Variants in MYBL1 observed in about 807,000 individuals in gnomAD.
MYBL1 encodes the protein myb-related protein A.
In MYBL1, 17 loss-of-function variants were observed where a neutral mutation model predicts 96.3. That is an observed-to-expected ratio of 0.18 (90% CI 0.12 to 0.26). The LOEUF is 0.26. MYBL1 is among the 10% of genes least tolerant of loss of function. MYBL1 has a pLI of 1.00. For missense variants in MYBL1, 701 were observed against 882.9 expected (o/e 0.79, Z 2.61); for synonymous variants, 282 against 292.7 (o/e 0.96, Z 0.37).
intron 6 of MYBL1, among the ~76,000 whole-genome samples, chr8:66,594,111 G>A (rs1809759986): frequency 6.6e-6 from 1 of 151,736 alleles, no homozygotes; most frequent in South Asian, 2.1e-4. Flanking sequence ...ATTCCAGCCT[G>A]GTAACAGAAA....
intron 8 of MYBL1, among the ~76,000 whole-genome samples, chr8:66,580,855 CTTCT>C (rs1563535657): frequency 6.9e-6 from 1 of 145,538 alleles, no homozygotes; most frequent in Admixed American, 8.3e-5. Context: ...CAGGGAAGCT[CTTCT>C]TTTTTTTTTT....
intron 12 of MYBL1, among the ~76,000 whole-genome samples, chr8:66,568,004 G>C (rs1284801278): frequency 6.9e-6 from 1 of 145,374 alleles, no homozygotes; most frequent in African/African-American, 2.6e-5. Flanking sequence ...CCGAAATCAC[G>C]CCACTGGACT....
At chr8:66,590,691 AT>A (rs775449868) in intron 8 of MYBL1, among the ~76,000 whole-genome samples, 8 of 152,182 alleles carry the variant, frequency 5.3e-5, no homozygotes, top group Admixed American at 6.6e-5. Flanking sequence ...TCAAAAAAAA[AT>A]AATACTAATA....
chr8:66,572,554 T>A lies in MYBL1; in HGVS notation c.1656A>T (p.Thr552=). Residue 552 remains threonine, a synonymous_variant, in exon 12 of 16, where the codon ACA becomes ACT. Coordinates refer to ENST00000522677, the MANE Select transcript of MYBL1 (RefSeq NM_001080416.4). ...TCTTAAAAGGAGTAGGAGTTCTTGG[T>A]GTGGTACCCAGTATAGATCTTCTAA... The part of the protein sequence containing the change: ...PTIRRSILGT[T]PRTPTPFKNA... 6.2e-7 allele frequency: 1 copy of A among 1,603,544 alleles called. No individual in the cohort carries two copies. The highest frequency in any genetic ancestry group is 8.5e-7 in the Non-Finnish European group (1 of 1,172,864).
intron 10 of MYBL1, 59 bp downstream of exon 10, chr8:66,575,948 G>T: frequency 2.6e-6 from 4 of 1,520,986 alleles, no homozygotes; most frequent in South Asian, 1.3e-5. Flanking sequence ...GGATGTTAAA[G>T]ATCTAATTTA....
Position 66,576,083 on chromosome 8 carries a change from T to A in MYBL1, c.1394A>T (p.Asp465Val). Reference protein sequence around the residue: ...VGHSPGSELRDGSLNDGGNMA... With the variant: ...VGHSPGSELRVGSLNDGGNMA... ...ATTACCACCATCGTTCAATGAGCCA[T>A]CCCTAAGTTCGCTGCCTGGGGAATG... is the stretch of plus-strand genomic sequence containing the variant. Residue 465 changes from aspartate to valine, a missense_variant, in exon 10 of 16, where the codon GAT becomes GTT. Physicochemically the swap from Asp to Val is radical, Grantham distance 152. Transcript: ENST00000522677. 1.9e-6 allele frequency: 3 copies of A among 1,613,994 alleles called. No individual in the cohort carries two copies. Among genetic ancestry groups the A allele is most frequent in the Non-Finnish European group, 2.5e-6 (3 of 1,179,878 alleles).
Position 66,580,296 on chromosome 8 carries a change from C to T in MYBL1, c.938G>A (p.Ser313Asn), listed in dbSNP as rs1453730091. The change falls in exon 9 of 16, where the codon AGC becomes AAC. Residue 313 changes from serine to asparagine, a missense_variant. Ser to Asn is a conservative substitution (Grantham distance 46). Transcript: ENST00000522677. The part of the protein sequence containing the change: ...MDDNMSNTLN[S>N]LDEHTSEFYS... ...AAACTCACTAGTGTGCTCGTCAAGG[C>T]TATTTAGAGTATTAGACATGTTATC... is the stretch of plus-strand genomic sequence containing the variant. 4 of 1,613,798 alleles carry T rather than the reference C, an allele frequency of 2.5e-6. No homozygotes were observed. The highest frequency in any genetic ancestry group is 2.2e-5 in the South Asian group (2 of 91,050).
chr8:66,599,732 G>GGAGGTTGCGGTGAGCC (rs1480766993), intron 3 of MYBL1, among the ~76,000 whole-genome samples: 3 of 152,004 alleles, frequency 2.0e-5, no homozygotes, highest in African/African-American at 7.3e-5. Flanking sequence ...CCCAGGAGGT[G>GGAGGTTGCGGTGAGCC]GAGGTTGCGG....
rs757101278 is a variant in MYBL1 at position 66,580,291 on chromosome 8, C to T, written c.943G>A (p.Asp315Asn). Residue 315 changes from aspartate to asparagine, a missense_variant, in exon 9 of 16, where the codon GAC (aspartate) becomes AAC (asparagine). By Grantham distance (23) the Asp-to-Asn change is conservative (BLOSUM62 1). Around this residue, in one of 5 missense-constraint regions of MYBL1, gnomAD observed 396 missense variants for 407.4 expected, o/e 0.97. Transcript: ENST00000522677. ...DNMSNTLNSL[D>N]EHTSEFYSMD... is the part of the protein sequence containing the mutation. The stretch of plus-strand genomic sequence containing the variant: ...CTGTAAAACTCACTAGTGTGCTCGT[C>T]AAGGCTATTTAGAGTATTAGACATG... The T allele has an allele frequency of 6.2e-7, 1 of 1,613,770 alleles. No individual in the cohort carries two copies. Among genetic ancestry groups the T allele is most frequent in the Non-Finnish European group, 8.5e-7 (1 of 1,179,802 alleles).
chr8:66,575,899 T>C (rs1211567063), intron 10 of MYBL1, 108 bp downstream of exon 10: 13 of 1,153,074 alleles, frequency 1.1e-5, no homozygotes, highest in African/African-American at 6.3e-5. Context: ...TTTAAACACA[T>C]TATTTTTATA....
At chr8:66,594,898 T>G (rs1809790755) in intron 6 of MYBL1, among the ~76,000 whole-genome samples, 2 of 152,192 alleles carry the variant, frequency 1.3e-5, no homozygotes, top group African/African-American at 2.4e-5. Flanking sequence ...GACTTAATCT[T>G]TACAATTTAT....
intron 1 of MYBL1, among the ~76,000 whole-genome samples, chr8:66,607,565 C>A (rs1407943202): frequency 6.6e-6 from 1 of 152,054 alleles, no homozygotes; most frequent in East Asian, 1.9e-4. Flanking sequence ...CCTTTCCAAC[C>A]CAACCAAAAC....
intron 10 of MYBL1, among the ~76,000 whole-genome samples, chr8:66,575,273 G>C (rs779966312): frequency 1.8e-4 from 28 of 152,120 alleles, no homozygotes; most frequent in Non-Finnish European, 3.4e-4. Flanking sequence ...AAAAACCTCA[G>C]TGGGCAAACT....
At chr8:66,611,489 A>AT (rs1049069740) in intron 1 of MYBL1, among the ~76,000 whole-genome samples, 6 of 152,144 alleles carry the variant, frequency 3.9e-5, no homozygotes, top group Non-Finnish European at 7.4e-5. Context: ...GTCTGGAGAC[A>AT]TTTTTACTGT....
Position 66,613,100 on chromosome 8 carries a change from C to T in MYBL1, c.-262G>A, listed in dbSNP as rs993793224. On this transcript the variant is annotated 5_prime_UTR_variant, in exon 1 of 16. Coordinates refer to ENST00000522677, the MANE Select transcript of MYBL1 (RefSeq NM_001080416.4). The stretch of plus-strand genomic sequence containing the variant: ...GGGATACCCCCAACATGTCAGGAGG[C>T]GCGATCCCGCCCTCCGCCGGCTTCT... 9.9e-6 allele frequency: 4 copies of T among 404,866 alleles called. No homozygotes were observed. Among genetic ancestry groups the T allele is most frequent in the Non-Finnish European group, 1.7e-5 (4 of 229,494 alleles). 25.1% of individuals were successfully genotyped at this position (404,866 alleles called of 1,614,324 possible). A position where few individuals can be genotyped will look rare whatever the true frequency, so the allele number is the denominator to read the frequency against.
intron 10 of MYBL1, among the ~76,000 whole-genome samples, chr8:66,575,391 A>G (rs1808895172): frequency 6.6e-6 from 1 of 152,212 alleles, no homozygotes; most frequent in Non-Finnish European, 1.5e-5. Flanking sequence ...TGCATTAGAT[A>G]ACTTTGGGCA....
Position 66,603,295 on chromosome 8 carries a change from G to A in MYBL1, c.21-772C>T, listed in dbSNP as rs533606402. ...ATTAGTAATCTTCACAACAACCCAA[G>A]CAAGAAATTATTGGGGCCTGACAAA... On this transcript the variant is annotated intron_variant, in intron 1 of 15. Coordinates refer to ENST00000522677, the MANE Select transcript of MYBL1 (RefSeq NM_001080416.4). Among the ~76,000 whole-genome samples the A allele has an allele frequency of 2.2e-4, 33 of 152,168 alleles. No individual in the cohort carries two copies. The South Asian group carries it at 6.8e-3, about 32-fold the overall frequency.
At chr8:66,573,321 T>C in intron 11 of MYBL1, 43 bp downstream of exon 11, 1 of 1,539,950 alleles carries the variant, frequency 6.5e-7, no homozygotes, top group Non-Finnish European at 8.8e-7. Context: ...TTTAACACTG[T>C]GCTCCCCATT....
chr8:66,599,749 G>A (rs905775854), intron 3 of MYBL1, among the ~76,000 whole-genome samples: 1 of 151,712 alleles, frequency 6.6e-6, no homozygotes, highest in African/African-American at 2.4e-5. Context: ...GCGGTGAGCC[G>A]AGATTGCACC....
Sources: gnomAD v4.1 joint callset for allele counts (sites outside exome capture counted in the v4.1 genomes callset) on GRCh38, gnomAD v4.1.1 for gene constraint, gnomAD v4.1.1 regional missense constraint, MANE v1.5 for transcripts, NCBI Gene and HGNC (gene_info 2026-07-23, HGNC 2026-07-21) for gene names.